AFG3L2: variants seen among roughly 807,000 people sequenced by gnomAD.
AFG3L2 encodes the protein AFG3 like matrix AAA peptidase subunit 2.
AFG3L2 carries 54 observed loss-of-function variants against 94.5 expected under a neutral mutation model. That is an observed-to-expected ratio of 0.57 (90% CI 0.46 to 0.72). The LOEUF is 0.72. AFG3L2 is among the 30% of genes least tolerant of loss of function. AFG3L2 has a pLI of 0.00. For synonymous variants in AFG3L2, 377 were observed against 365.5 expected, an observed-to-expected ratio of 1.03 and a Z score of -0.36; for missense variants, 754 against 994.9, an observed-to-expected ratio of 0.76 and a Z score of 3.26.
In AFG3L2 at chr18:12,348,350, G is replaced by A. The variant is rs1438358338; in HGVS notation, c.1586C>T (p.Ala529Val). The A allele has an allele frequency of 1.2e-6, 2 of 1,613,932 alleles. No individual in the cohort carries two copies. Among genetic ancestry groups the A allele is most frequent in the Middle Eastern group, 1.6e-4 (1 of 6,062 alleles). ...ADVANVCNEAALIAARHLSDS... is the reference protein window; with the variant it reads ...ADVANVCNEAVLIAARHLSDS... ...TGACAGATGCCTTGCAGCAATCAAC[G>A]CAGCTTCATTACAGACATTAGCAAC... Residue 529 changes from alanine to valine, a missense_variant, in exon 13 of 17, where the codon GCG (alanine) becomes GTG (valine). Around this residue, in one of 4 missense-constraint regions of AFG3L2, gnomAD observed 279 missense variants for 378.6 expected, o/e 0.74. Transcript: ENST00000269143.
At position 12,367,151 on chromosome 18, in the gene AFG3L2, T is replaced by G. The variant is rs763058884; in HGVS notation, c.400-34A>C. 4 of 1,614,012 alleles carry G rather than the reference T, an allele frequency of 2.5e-6. No individual in the cohort carries two copies. The Admixed American group carries it at 6.7e-5, about 27-fold the overall frequency. ...AGAGGGAGACAGCTTCTGTGAAGAA[T>G]GAAATTCCACAATACGATCTATGCT... On this transcript the variant is annotated intron_variant, in intron 4 of 16. Coordinates refer to ENST00000269143, the MANE Select transcript of AFG3L2 (RefSeq NM_006796.3).
chr18:12,337,436 C>T lies in AFG3L2; in HGVS notation c.2080G>A (p.Ala694Thr). 1 of 1,614,160 alleles carries T rather than the reference C, an allele frequency of 6.2e-7. No homozygotes were observed. Among genetic ancestry groups the T allele is most frequent in the Non-Finnish European group, 8.5e-7 (1 of 1,179,972 alleles). The change falls in exon 16 of 17, where the codon GCA becomes ACA. Residue 694 changes from alanine to threonine, a missense_variant. Coordinates refer to ENST00000269143, the MANE Select transcript of AFG3L2 (RefSeq NM_006796.3). ...CGTACTTCATCATCTATCAATCTTGCAGTGGCTTCACTGTAAGGTTTCTCC... is the reference window on the plus strand; with the variant it reads ...CGTACTTCATCATCTATCAATCTTGTAGTGGCTTCACTGTAAGGTTTCTCC... ...VLEKPYSEAT[A>T]RLIDDEVRIL...
chr18:12,368,992 G>C (rs1489063312), intron 3 of AFG3L2, among the ~76,000 whole-genome samples: 1 of 152,032 alleles, frequency 6.6e-6, no homozygotes, highest in Non-Finnish European at 1.5e-5. Context: ...ATCCTCAGTG[G>C]CTATGTAACA....
intron 14 of AFG3L2, chr18:12,342,217 C>G (rs1907975704): frequency 6.6e-6 from 1 of 152,150 alleles, no homozygotes; most frequent in South Asian, 2.1e-4. Flanking sequence ...GCTCCATATC[C>G]TTATCAACAA....
Position 12,340,259 on chromosome 18 carries a change from C to T in AFG3L2, c.1922G>A (p.Arg641Lys). 1 of 1,614,154 alleles carries T rather than the reference C, an allele frequency of 6.2e-7. No individual in the cohort carries two copies. Among genetic ancestry groups the T allele is most frequent in the Non-Finnish European group, 8.5e-7 (1 of 1,180,034 alleles). ...GTCATCTTGAGCACCAGTTGTAATT[C>T]TTCCAAAGAAGATTTCTTCAGAGAC... Reference protein sequence around the residue: ...GRVSEEIFFGRITTGAQDDLR... With the variant: ...GRVSEEIFFGKITTGAQDDLR... The change falls in exon 15 of 17, where the codon AGA (arginine) becomes AAA (lysine). Residue 641 changes from arginine to lysine, a missense_variant. Physicochemically the swap from Arg to Lys is conservative, Grantham distance 26. This residue lies in a region of AFG3L2 where 279 missense variants were observed against 378.6 expected (regional missense o/e 0.74). Coordinates refer to ENST00000269143, the MANE Select transcript of AFG3L2 (RefSeq NM_006796.3).
intron 6 of AFG3L2, chr18:12,360,293 T>C (rs1908620280): frequency 2.1e-6 from 1 of 470,676 alleles, no homozygotes; most frequent in South Asian, 3.0e-5. Flanking sequence ...GCTCTAAAAT[T>C]ATAAACTCAA....
intron 12 of AFG3L2, among the ~76,000 whole-genome samples, chr18:12,349,241 G>C (rs922268422): frequency 1.3e-5 from 2 of 152,192 alleles, no homozygotes; most frequent in South Asian, 4.2e-4. Flanking sequence ...AGCTAGGATG[G>C]CTGTAATAAA....
Position 12,344,100 on chromosome 18 carries a change from A to G in AFG3L2, c.1779+32T>C, listed in dbSNP as rs755696563. ...GCAGCGAGCATCTGCTCACCCATGCACTGGCTGCCTAGTGCAGCTACCCTG... is the reference window on the plus strand; with the variant it reads ...GCAGCGAGCATCTGCTCACCCATGCGCTGGCTGCCTAGTGCAGCTACCCTG... On this transcript the variant is annotated intron_variant, in intron 14 of 16. Transcript: ENST00000269143. The G allele has an allele frequency of 3.2e-6, 5 of 1,573,196 alleles. No homozygotes were observed. The South Asian group carries it at 5.5e-5, about 17-fold the overall frequency.
At chr18:12,371,526 T>C in intron 2 of AFG3L2, 66 bp downstream of exon 2, 1 of 1,322,490 alleles carries the variant, frequency 7.6e-7, no homozygotes, top group South Asian at 1.2e-5. Context: ...GGGGAATGGG[T>C]TACAGAAGGA....
Position 12,329,690 on chromosome 18 carries a change from C to T in AFG3L2, c.2269G>A (p.Glu757Lys). ...PRPFAEKSTYEEFVEGTGSLD... is the reference protein window; with the variant it reads ...PRPFAEKSTYKEFVEGTGSLD... ...CTGCCAGTGCCTTCCACAAATTCTT[C>T]ATAGGTAGATTTTTCCGCAAATGGT... is the stretch of plus-strand genomic sequence containing the variant. The change falls in exon 17 of 17, where the codon GAA becomes AAA. Residue 757 changes from glutamate (E) to lysine (K), a missense_variant. Transcript: ENST00000269143. 1 of 1,614,180 alleles carries T rather than the reference C, an allele frequency of 6.2e-7. No individual in the cohort carries two copies. The highest frequency in any genetic ancestry group is 8.5e-7 in the Non-Finnish European group (1 of 1,180,038).
chr18:12,335,018 GCACAAGAGC>G (rs1907696886), intron 16 of AFG3L2, among the ~76,000 whole-genome samples: 1 of 152,164 alleles, frequency 6.6e-6, no homozygotes, highest in Non-Finnish European at 1.5e-5. Context: ...AAACTGAGTT[GCACAAGAGC>G]TGCCTTCCTA....
At position 12,353,096 on chromosome 18, in the gene AFG3L2, G is replaced by T. The variant is rs185454855; in HGVS notation, c.1227C>A (p.Ile409=). ...NAPCILFIDE[I]DAVGRKRGRG... is the part of the protein sequence containing the mutation. ...TTCCTCTCTTCCTTCCCACCGCATCGATTTCATCGATGAAGAGGATGCAAG... is the reference window on the plus strand; with the variant it reads ...TTCCTCTCTTCCTTCCCACCGCATCTATTTCATCGATGAAGAGGATGCAAG... Residue 409 remains isoleucine, a synonymous_variant, in exon 10 of 17, where the codon ATC becomes ATA. Transcript: ENST00000269143. 1 of 1,613,996 alleles carries T rather than the reference G, an allele frequency of 6.2e-7. No homozygotes were observed. Among genetic ancestry groups the T allele is most frequent in the African/African-American group, 1.3e-5 (1 of 74,878 alleles).
chr18:12,352,998 C>T lies in AFG3L2; in HGVS notation c.1318+7G>A, dbSNP rs1057521036. 3.1e-6 allele frequency: 5 copies of T among 1,613,550 alleles called. No individual in the cohort carries two copies. Among genetic ancestry groups the T allele is most frequent in the Non-Finnish European group, 4.2e-6 (5 of 1,179,880 alleles). On this transcript the variant is annotated splice_region_variant and intron_variant, in intron 10 of 16. Coordinates refer to ENST00000269143, the MANE Select transcript of AFG3L2 (RefSeq NM_006796.3). The stretch of plus-strand genomic sequence containing the variant: ...CAGTTAAAGATACAAAAGCCTTGAC[C>T]ACTCACCATCCATCTCCACCAGCAG...
intron 5 of AFG3L2, among the ~76,000 whole-genome samples, chr18:12,364,903 C>G (rs541285345): frequency 6.6e-6 from 1 of 152,236 alleles, no homozygotes; most frequent in South Asian, 2.1e-4. Context: ...CTCCTAGATT[C>G]AAGTGATCCT....
chr18:12,349,173 C>T (rs1908234457), intron 12 of AFG3L2, among the ~76,000 whole-genome samples: 1 of 152,192 alleles, frequency 6.6e-6, no homozygotes, highest in Non-Finnish European at 1.5e-5. Context: ...AGATGCTCAA[C>T]ATCACTAGTC....
intron 6 of AFG3L2, among the ~76,000 whole-genome samples, chr18:12,363,506 G>C (rs978699993): frequency 2.0e-5 from 3 of 151,978 alleles, no homozygotes; most frequent in African/African-American, 7.3e-5. Flanking sequence ...GACTATTCTG[G>C]AATACTGAAA....
intron 16 of AFG3L2, among the ~76,000 whole-genome samples, chr18:12,332,982 AATAT>A (rs1907600225): frequency 9.9e-6 from 1 of 100,886 alleles, no homozygotes; most frequent in Admixed American, 1.4e-4. Context: ...ATATTATATA[AATAT>A]ATTATATAAA....
chr18:12,329,119 T>C lies in AFG3L2; in HGVS notation c.*446A>G, dbSNP rs1203319385. On this transcript the variant is annotated 3_prime_UTR_variant, in exon 17 of 17. Transcript: ENST00000269143. ...ATATTAAGTCAAATTAAAATGTTCTTATCAAGACTCCAATTTAATTTCACA... is the reference window on the plus strand; with the variant it reads ...ATATTAAGTCAAATTAAAATGTTCTCATCAAGACTCCAATTTAATTTCACA... 1 of 702,954 alleles carries C rather than the reference T, an allele frequency of 1.4e-6. No individual in the cohort carries two copies. The highest frequency in any genetic ancestry group is 2.0e-5 in the Admixed American group (1 of 50,004). 43.5% of individuals were successfully genotyped at this position (702,954 alleles called of 1,614,324 possible). A position where few individuals can be genotyped will look rare whatever the true frequency, so the allele number is the denominator to read the frequency against.
chr18:12,332,962 AAT>A (rs200928693), intron 16 of AFG3L2, among the ~76,000 whole-genome samples: 12,310 of 117,486 alleles, frequency 0.1, 980 homozygotes, highest in East Asian at 0.24. Context: ...TATATACTAT[AAT>A]ATATTATATA....
Sources: gnomAD v4.1 joint callset for allele counts (sites outside exome capture counted in the v4.1 genomes callset) on GRCh38, gnomAD v4.1.1 for gene constraint, gnomAD v4.1.1 regional missense constraint, MANE v1.5 for transcripts, NCBI Gene and HGNC (gene_info 2026-07-23, HGNC 2026-07-21) for gene names.